The following ANO5 variants were observed in gnomAD, a reference collection of about 807,000 sequenced individuals.
ANO5 encodes the protein anoctamin 5, also known as anoctamin-5.
A neutral mutation model predicts 121.0 loss-of-function variants in ANO5; 109 were observed. The ratio of observed to expected loss-of-function variants is 0.90; its 90% CI spans 0.77 to 1.06. The LOEUF (loss-of-function observed/expected upper bound fraction) is 1.06. Among genes scored for constraint, ANO5 ranks in the 50% least tolerant of loss-of-function variants. The probability of loss-of-function intolerance (pLI) is 0.00; values close to 1 mark genes in which losing one functional copy is unlikely to be tolerated. For missense variants in ANO5, 1,064 were observed against 1,078.5 expected, an observed-to-expected ratio of 0.99 and a Z score of 0.19; for synonymous variants, 406 against 359.9, an observed-to-expected ratio of 1.13 and a Z score of -1.45.
At chr11:22,236,014 A>G (rs1853203787) in intron 7 of ANO5, 149 bp from the exon 8 acceptor site, 1 of 647,052 alleles carries the variant, frequency 1.5e-6, no homozygotes, top group Non-Finnish European at 2.8e-6. Context: ...CCCTCACTCT[A>G]CATCTTCCTG....
chr11:22,195,363 C>T (rs1416774555), intron 1 of ANO5, among the ~76,000 whole-genome samples: 1 of 152,126 alleles, frequency 6.6e-6, no homozygotes, highest in African/African-American at 2.4e-5. Flanking sequence ...AATATTTCCT[C>T]CCATTCTGAG....
intron 5 of ANO5, among the ~76,000 whole-genome samples, chr11:22,222,727 C>G (rs976841967): frequency 4.6e-5 from 7 of 152,008 alleles, no homozygotes; most frequent in African/African-American, 1.7e-4. Context: ...AAACCCAACC[C>G]TACCTACTAA....
intron 19 of ANO5, among the ~76,000 whole-genome samples, chr11:22,273,964 A>G (rs905686690): frequency 1.3e-5 from 2 of 152,102 alleles, no homozygotes; most frequent in Non-Finnish European, 2.9e-5. Context: ...CACTAAAATT[A>G]TAAGTGCCAG....
intron 1 of ANO5, among the ~76,000 whole-genome samples, chr11:22,201,937 T>C (rs1851977371): frequency 6.6e-6 from 1 of 152,032 alleles, no homozygotes; most frequent in African/African-American, 2.4e-5. Context: ...GAGGAATAAT[T>C]GTGTGTTAAG....
Position 22,227,342 on chromosome 11 carries a change from C to A in ANO5, c.404C>A (p.Ala135Asp). 1.9e-6 allele frequency: 3 copies of A among 1,613,294 alleles called. No homozygotes were observed. Among genetic ancestry groups the A allele is most frequent in the Non-Finnish European group, 2.5e-6 (3 of 1,179,690 alleles). ...DGRTYFVKIH[A>D]PWEVLVTYAE... ...AGAACTTATTTTGTCAAGATCCATG[C>A]CCCTTGGGAGGTATTAGTTACCTAT... is the stretch of plus-strand genomic sequence containing the variant. The change falls in exon 7 of 22, where the codon GCC becomes GAC. Residue 135 changes from alanine to aspartate, a missense_variant. Ala to Asp is a moderately radical substitution (Grantham distance 126). Transcript: ENST00000324559.
intron 12 of ANO5, among the ~76,000 whole-genome samples, chr11:22,251,450 C>G (rs1004744959): frequency 1.3e-5 from 2 of 152,188 alleles, no homozygotes; most frequent in Non-Finnish European, 2.9e-5. Context: ...CACTTCCACA[C>G]TCATTCATTA....
At chr11:22,195,252 T>G (rs1378329883) in intron 1 of ANO5, among the ~76,000 whole-genome samples, 2 of 152,170 alleles carry the variant, frequency 1.3e-5, no homozygotes, top group Non-Finnish European at 2.9e-5. Flanking sequence ...ATTCAGATCA[T>G]TTGCCTGTTT....
At chr11:22,248,707 T>C (rs1853700978) in intron 9 of ANO5, among the ~76,000 whole-genome samples, 1 of 151,938 alleles carries the variant, frequency 6.6e-6, no homozygotes, top group Non-Finnish European at 1.5e-5. Context: ...TTTTTTATGC[T>C]CAAGGAATAA....
intron 13 of ANO5, among the ~76,000 whole-genome samples, chr11:22,255,726 T>G (rs1853981331): frequency 6.6e-6 from 1 of 152,080 alleles, no homozygotes; most frequent in African/African-American, 2.4e-5. Context: ...TCAAACACTT[T>G]CAAATGTAGA....
Position 22,259,839 on chromosome 11 carries a change from G to T in ANO5, c.1630+98G>T, listed in dbSNP as rs376524017. Reference sequence around the variant, plus strand: ...GGTCTCCAGGAGTTCATTTTCAAAGGACACATTTTAAGGCAGTTTTTCTCT... The same window carrying T: ...GGTCTCCAGGAGTTCATTTTCAAAGTACACATTTTAAGGCAGTTTTTCTCT... On this transcript the variant is annotated intron_variant, in intron 15 of 21. Transcript: ENST00000324559. 55 of 1,265,150 alleles carry T rather than the reference G, an allele frequency of 4.3e-5. No individual in the cohort carries two copies. In the East Asian group the frequency reaches 1.3e-3, roughly 30 times the overall value. The allele number at this position is 1,265,150 out of a possible 1,614,324, so 78.4% of individuals were successfully genotyped here. A position where few individuals can be genotyped will look rare whatever the true frequency, so the allele number is the denominator to read the frequency against.
At position 22,226,504 on chromosome 11, in the gene ANO5, T is replaced by C. The variant is rs181796429; in HGVS notation, c.363+452T>C. ...TCCTTCAAAATTGTTTTTAAAGGCC[T>C]ATTTAATATCTTACCCTATCTATTC... is the stretch of plus-strand genomic sequence containing the variant. On this transcript the variant is annotated intron_variant, in intron 6 of 21. Transcript: ENST00000324559. Among the ~76,000 whole-genome samples, 149 of 152,188 alleles carry C rather than the reference T, an allele frequency of 9.8e-4. 1 individual carries two copies. The Middle Eastern group carries it at 0.014, about 14-fold the overall frequency.
intron 1 of ANO5, among the ~76,000 whole-genome samples, chr11:22,198,543 T>A (rs1851875519): frequency 6.6e-6 from 1 of 152,174 alleles, no homozygotes; most frequent in Admixed American, 6.5e-5. Context: ...TTGAAAATAT[T>A]TTTTCACCTA....
intron 8 of ANO5, among the ~76,000 whole-genome samples, chr11:22,238,647 GA>G (rs1050483767): frequency 1.3e-5 from 2 of 152,066 alleles, no homozygotes; most frequent in African/African-American, 4.8e-5. Flanking sequence ...TACAGAAGAA[GA>G]AAAAAGTTGG....
chr11:22,211,297 A>G lies in ANO5; in HGVS notation c.121A>G (p.Ile41Val). 1 of 1,611,860 alleles carries G rather than the reference A, an allele frequency of 6.2e-7. No homozygotes were observed. The highest frequency in any genetic ancestry group is 8.5e-7 in the Non-Finnish European group (1 of 1,178,338). ...GAGCAGCAGAGAGACCAGCTTTCTC[A>G]TCAATGAAGAAACAATGGTAAGCAG... ...SLSSRETSFL[I>V]NEETMPAKRF... Residue 41 changes from isoleucine (I) to valine (V), a missense_variant, in exon 3 of 22, where the codon ATC (isoleucine) becomes GTC (valine). Coordinates refer to ENST00000324559, the MANE Select transcript of ANO5 (RefSeq NM_213599.3).
chr11:22,281,432 A>G lies in ANO5; in HGVS notation c.*1667A>G, dbSNP rs1318053908. On this transcript the variant is annotated 3_prime_UTR_variant, in exon 22 of 22. Coordinates refer to ENST00000324559, the MANE Select transcript of ANO5 (RefSeq NM_213599.3). ...CCCAGTACTGATTTGTCATCCACTG[A>G]GTAGACTTTATGAATATTTTGGGTA... The G allele has an allele frequency of 6.6e-6, 1 of 152,040 alleles. No individual in the cohort carries two copies. Among genetic ancestry groups the G allele is most frequent in the Non-Finnish European group, 1.5e-5 (1 of 67,906 alleles). 9.4% of individuals were successfully genotyped at this position (152,040 alleles called of 1,614,324 possible).
At chr11:22,267,663 C>T (rs1478239299) in intron 17 of ANO5, among the ~76,000 whole-genome samples, 4 of 151,330 alleles carry the variant, frequency 2.6e-5, no homozygotes, top group Non-Finnish European at 4.4e-5. Flanking sequence ...AGATTTGTTA[C>T]ACAAGTAACT....
chr11:22,206,045 G>T (rs988606675), intron 2 of ANO5, among the ~76,000 whole-genome samples: 2 of 151,844 alleles, frequency 1.3e-5, no homozygotes, highest in African/African-American at 2.4e-5. Context: ...GTTTAAAGAA[G>T]AATTAACATT....
At chr11:22,267,278 C>T (rs1413179505) in intron 17 of ANO5, among the ~76,000 whole-genome samples, 4 of 151,574 alleles carry the variant, frequency 2.6e-5, no homozygotes, top group Non-Finnish European at 4.4e-5. Context: ...TCTAAATATA[C>T]GTGGATGGGA....
chr11:22,259,017 C>A (rs1278048020), intron 14 of ANO5, among the ~76,000 whole-genome samples: 1 of 151,690 alleles, frequency 6.6e-6, no homozygotes, highest in African/African-American at 2.4e-5. Context: ...CCTGTAGTCC[C>A]ATCTACTAAG....
Sources: allele counts gnomAD v4.1 joint callset (sites outside exome capture counted in the v4.1 genomes callset), GRCh38; gene constraint gnomAD v4.1.1; transcripts MANE v1.5; gene names NCBI Gene and HGNC (gene_info 2026-07-23, HGNC 2026-07-21).